TNS1: variants seen among roughly 807,000 people sequenced by gnomAD.
TNS1 encodes the protein tensin-1.
Under a neutral mutation model 168.6 loss-of-function variants are expected in TNS1, and 62 were observed. That is an observed-to-expected ratio of 0.37 (90% CI 0.30 to 0.45). The LOEUF is 0.45. Ranked by LOEUF, TNS1 falls within the 20% of genes least tolerant of loss-of-function variation. The pLI is 1.00. For synonymous variants in TNS1, 934 were observed against 933.2 expected (o/e 1.00, Z -0.02); for missense variants, 2,240 against 2,339.4 (o/e 0.96, Z 0.88).
chr2:217,974,949 G>C (rs1391630017), intron 3 of TNS1, among the ~76,000 whole-genome samples: 1 of 152,194 alleles, frequency 6.6e-6, no homozygotes, highest in Non-Finnish European at 1.5e-5. Flanking sequence ...TTTCCACACT[G>C]AATAAGGCTG....
At chr2:217,970,909 TA>T (rs1162881945) in intron 3 of TNS1, among the ~76,000 whole-genome samples, 92 of 145,612 alleles carry the variant, frequency 6.3e-4, no homozygotes, top group Middle Eastern at 3.6e-3. Flanking sequence ...ATAAAGTTGT[TA>T]AAAAAAAAAA....
At chr2:218,013,732 G>C (rs1378965635), upstream of TNS1, among the ~76,000 whole-genome samples, 3 of 152,124 alleles carry the variant, frequency 2.0e-5, no homozygotes, top group Non-Finnish European at 4.4e-5. Context: ...ACAGAGTCCA[G>C]ACTGGCAAGG....
intron 15 of TNS1, 139 bp from the exon 16 acceptor site, chr2:217,885,303 A>C: frequency 4.9e-6 from 6 of 1,212,616 alleles, no homozygotes; most frequent in Non-Finnish European, 6.8e-6. Flanking sequence ...TCAACACCAA[A>C]CAGGATCTCA....
At chr2:217,860,772 C>T (rs1463514033) in intron 18 of TNS1, among the ~76,000 whole-genome samples, 4 of 152,078 alleles carry the variant, frequency 2.6e-5, no homozygotes, top group East Asian at 1.9e-4. Context: ...TTTTCCAATA[C>T]ACATCAAAAT....
rs776024783 is a variant in TNS1, at chr2:217,847,957, G to A, written c.2560C>T (p.His854Tyr). The change falls in exon 19 of 33, where the codon CAC (histidine) becomes TAC (tyrosine). Residue 854 changes from histidine to tyrosine, a missense_variant. Around this residue, in one of 2 missense-constraint regions of TNS1, gnomAD observed 2,131 missense variants for 2,171.2 expected, o/e 0.98. Transcript: ENST00000682258. ...GCCCCGGGGACACTCTGGGACTTGT[G>A]TAGTGGGGCAGCAGCGGAGGCTGGC... Reference protein sequence around the residue: ...LEPASAAAPLHKSQSVPGAWP... With the variant: ...LEPASAAAPLYKSQSVPGAWP... 6.6e-7 allele frequency: 1 copy of A among 1,510,902 alleles called. No homozygotes were observed. Among genetic ancestry groups the A allele is most frequent in the Non-Finnish European group, 8.9e-7 (1 of 1,127,036 alleles). The allele number at this position is 1,510,902 out of a possible 1,614,324, so 93.6% of individuals were successfully genotyped here.
At chr2:217,866,555 G>A (rs562530068) in intron 18 of TNS1, among the ~76,000 whole-genome samples, 2 of 152,284 alleles carry the variant, frequency 1.3e-5, no homozygotes, top group East Asian at 3.9e-4. Flanking sequence ...AGGTTCCCAG[G>A]GCCATGCAGG....
In TNS1 at chr2:217,966,308, T is replaced by TGTGCGCGCGC. The variant is rs372273499; in HGVS notation, c.186+12456_186+12457insGCGCGCGCAC. 6.0e-5 allele frequency among the ~76,000 whole-genome samples: 8 copies of TGTGCGCGCGC among 133,748 alleles called. No individual in the cohort carries two copies. The East Asian group carries it at 1.6e-3, about 27-fold the overall frequency. The allele number at this position is 133,748 out of a possible 152,430, so 87.7% of individuals were successfully genotyped here. The stretch of plus-strand genomic sequence containing the variant: ...GTGTGTGTGTGTGTGTGTGTGTGTG[T>TGTGCGCGCGC]GCGCGCGCGCGCGTGTGTAAGGAGA... On this transcript the variant is annotated intron_variant, in intron 3 of 32. Coordinates refer to ENST00000682258, the MANE Select transcript of TNS1 (RefSeq NM_001387777.1).
chr2:217,885,140 G>A lies in TNS1; in HGVS notation c.1141C>T (p.Arg381Ter), dbSNP rs1239751518. Reference protein sequence around the residue: ...ILLKCYHKKFRSPARDVIFRV... With the variant: ...ILLKCYHKKF ...AAGATGACGTCTCGGGCTGGGCTTCGGAACTTCTTGTGGTAGCACTTCAGC... is the reference window on the plus strand; with the variant it reads ...AAGATGACGTCTCGGGCTGGGCTTCAGAACTTCTTGTGGTAGCACTTCAGC... The change falls in exon 16 of 33, where the codon CGA becomes TGA. Residue 381 changes from arginine (R) to a stop codon, truncating the protein, a stop_gained. Coordinates refer to ENST00000682258, the MANE Select transcript of TNS1 (RefSeq NM_001387777.1). LOFTEE classifies it high-confidence loss of function. The A allele has an allele frequency of 3.1e-6, 5 of 1,614,078 alleles. No homozygotes were observed. The highest frequency in any genetic ancestry group is 1.1e-5 in the South Asian group (1 of 91,094).
rs913079087 is a variant in TNS1, at chr2:217,880,921, C to T, written c.1406G>A (p.Gly469Glu). 9.9e-6 allele frequency: 16 copies of T among 1,614,000 alleles called. No homozygotes were observed. Among genetic ancestry groups the T allele is most frequent in the African/African-American group, 2.7e-5 (2 of 75,012 alleles). The change falls in exon 18 of 33, where the codon GGG (glycine) becomes GAG (glutamate). Residue 469 changes from glycine (G) to glutamate (E), a missense_variant. Transcript: ENST00000682258. The surrounding 1 kb of genome is among the most constrained non-coding windows in gnomAD (Gnocchi z 4.2). ...IRWDSYDNFS[G>E]HRDDGMEEVV... Reference sequence around the variant, plus strand: ...ACCCTCCATGCCGTCATCTCGATGCCCACTGAAGTTGTCGTAGGAGTCCCA... The same window carrying T: ...ACCCTCCATGCCGTCATCTCGATGCTCACTGAAGTTGTCGTAGGAGTCCCA...
chr2:217,900,957 C>T (rs563217796), intron 6 of TNS1, among the ~76,000 whole-genome samples: 1 of 152,306 alleles, frequency 6.6e-6, no homozygotes, highest in South Asian at 2.1e-4. Flanking sequence ...CCACACTTCT[C>T]TGCTTGAAAG....
intron 1 of TNS1, among the ~76,000 whole-genome samples, chr2:217,999,816 G>A (rs1485706303): frequency 2.6e-5 from 4 of 152,232 alleles, no homozygotes; most frequent in Non-Finnish European, 4.4e-5. Flanking sequence ...ATACATCATC[G>A]TCTGCAGCTG....
chr2:218,010,599 G>C (rs1958697498), upstream of TNS1, among the ~76,000 whole-genome samples: 2 of 151,848 alleles, frequency 1.3e-5, no homozygotes, highest in South Asian at 4.1e-4. Context: ...GAGCCGCGCG[G>C]GGGAGGCGGG....
chr2:217,910,713 T>TACACACACACACAC (rs10554233), intron 4 of TNS1, among the ~76,000 whole-genome samples: 9 of 106,736 alleles, frequency 8.4e-5, no homozygotes, highest in South Asian at 3.5e-4. Flanking sequence ...CACATACACA[T>TACACACACACACAC]ACACACACAC....
chr2:218,020,483 C>T (rs952024169), intron 1 of TNS1, among the ~76,000 whole-genome samples: 10 of 151,826 alleles, frequency 6.6e-5, no homozygotes, highest in African/African-American at 2.4e-4. Context: ...AGCCTGAGAA[C>T]GCTGACCCCT....
rs1947073176 is a variant in TNS1, at chr2:217,848,875, G to C, written c.1642C>G (p.Pro548Ala). 1 of 1,614,072 alleles carries C rather than the reference G, an allele frequency of 6.2e-7. No individual in the cohort carries two copies. The highest frequency in any genetic ancestry group is 2.2e-5 in the East Asian group (1 of 44,868). ...TKTDKTDEPV[P>A]GASSATAALS... ...GCAGCAGTGGCACTGGAGGCCCCGG[G>C]GACAGGCTCGTCGGTCTTGTCGGTC... The change falls in exon 19 of 33, where the codon CCC (proline) becomes GCC (alanine). Residue 548 changes from proline to alanine, a missense_variant. By Grantham distance (27) the Pro-to-Ala change is conservative. Coordinates refer to ENST00000682258, the MANE Select transcript of TNS1 (RefSeq NM_001387777.1).
intron 2 of TNS1, among the ~76,000 whole-genome samples, chr2:217,980,149 A>T (rs1299883057): frequency 6.6e-6 from 1 of 152,056 alleles, no homozygotes; most frequent in Non-Finnish European, 1.5e-5. Context: ...CTTCTCTCAG[A>T]ACCTAGTCCT....
chr2:217,978,487 G>C (rs990808408), intron 3 of TNS1, among the ~76,000 whole-genome samples: 3 of 151,354 alleles, frequency 2.0e-5, no homozygotes, highest in African/African-American at 7.3e-5. Flanking sequence ...CTGGGAGCTC[G>C]GTCCCCATCA....
At chr2:217,875,056 A>C (rs1242348717) in intron 18 of TNS1, among the ~76,000 whole-genome samples, 6 of 152,316 alleles carry the variant, frequency 3.9e-5, no homozygotes, top group Middle Eastern at 3.4e-3. Context: ...CCAATTAAAC[A>C]TGAGCGGAAG....
At chr2:218,008,294 C>G (rs1262800124) in intron 1 of TNS1, among the ~76,000 whole-genome samples, 1 of 152,214 alleles carries the variant, frequency 6.6e-6, no homozygotes, top group Admixed American at 6.5e-5. Flanking sequence ...GCAGCTGCAG[C>G]TGCTCATCCA....
Sources: allele counts gnomAD v4.1 joint callset (sites outside exome capture counted in the v4.1 genomes callset), GRCh38; gene constraint gnomAD v4.1.1; regional missense constraint gnomAD v4.1.1; non-coding constraint Gnocchi (gnomAD v3.1); transcripts MANE v1.5; gene names NCBI Gene and HGNC (gene_info 2026-07-23, HGNC 2026-07-21).